The following FSIP1 variants were observed in gnomAD, a reference collection of about 807,000 sequenced individuals.
FSIP1 encodes fibrous sheath interacting protein 1.
A neutral mutation model predicts 60.9 loss-of-function variants in FSIP1; 65 were observed. The ratio of observed to expected loss-of-function variants is 1.07; its 90% CI spans 0.87 to 1.31. The LOEUF (loss-of-function observed/expected upper bound fraction) is 1.31, where lower values mean the gene tolerates loss of function less well. FSIP1 is among the 40% of genes most tolerant of loss of function. FSIP1 has a pLI of 0.00. For synonymous variants in FSIP1, 209 were observed against 221.2 expected (o/e 0.94, Z 0.49); for missense variants, 675 against 665.5 (o/e 1.01, Z -0.16).
intron 3 of FSIP1, among the ~76,000 whole-genome samples, chr15:39,767,966 T>A (rs761694294): frequency 5.3e-5 from 8 of 152,290 alleles, no homozygotes; most frequent in Non-Finnish European, 1.2e-4. Context: ...AGGGTCTCAT[T>A]GAGCTGATTA....
At chr15:39,630,520 C>G (rs1210019579) in intron 10 of FSIP1, among the ~76,000 whole-genome samples, 1 of 152,192 alleles carries the variant, frequency 6.6e-6, no homozygotes, top group African/African-American at 2.4e-5. Context: ...GTCAGTTGCA[C>G]TGGGGGTGGG....
intron 10 of FSIP1, among the ~76,000 whole-genome samples, chr15:39,623,438 G>A (rs1035061374): frequency 3.3e-5 from 5 of 152,134 alleles, no homozygotes; most frequent in Admixed American, 3.3e-4. Flanking sequence ...GTGAGAAAAG[G>A]GTGGAAAGCT....
intron 11 of FSIP1, chr15:39,602,361 C>T (rs1206514202): frequency 1.1e-5 from 5 of 456,130 alleles, no homozygotes; most frequent in Admixed American, 4.7e-5. Flanking sequence ...CTCCAGGTGG[C>T]GTGTGGCCTT....
At chr15:39,735,449 T>C (rs191756266) in intron 8 of FSIP1, among the ~76,000 whole-genome samples, 8 of 152,306 alleles carry the variant, frequency 5.3e-5, no homozygotes, top group East Asian at 3.9e-4. Flanking sequence ...AAATATGGTA[T>C]AAAAATCTTT....
chr15:39,606,313 A>G (rs890811046), intron 11 of FSIP1, among the ~76,000 whole-genome samples: 1 of 152,048 alleles, frequency 6.6e-6, no homozygotes, highest in Admixed American at 6.5e-5. Flanking sequence ...AACTTACATG[A>G]CTCTTGTTGC....
At chr15:39,710,160 TC>T (rs1895439023) in intron 10 of FSIP1, among the ~76,000 whole-genome samples, 1 of 152,096 alleles carries the variant, frequency 6.6e-6, no homozygotes, top group Non-Finnish European at 1.5e-5. Context: ...CAGTTATGAA[TC>T]TACAGTTATG....
intron 2 of FSIP1, among the ~76,000 whole-genome samples, chr15:39,773,510 G>C (rs1459475555): frequency 6.6e-6 from 1 of 152,156 alleles, no homozygotes; most frequent in Non-Finnish European, 1.5e-5. Flanking sequence ...AGTCTTGAAT[G>C]AAGTAATATT....
chr15:39,698,299 T>C (rs1470176091), intron 10 of FSIP1, among the ~76,000 whole-genome samples: 1 of 152,058 alleles, frequency 6.6e-6, no homozygotes, highest in Non-Finnish European at 1.5e-5. Context: ...TTTGCCTTTT[T>C]GATGTGACTA....
At chr15:39,623,693 G>A (rs1891530862) in intron 10 of FSIP1, among the ~76,000 whole-genome samples, 1 of 152,182 alleles carries the variant, frequency 6.6e-6, no homozygotes, top group Non-Finnish European at 1.5e-5. Context: ...TAGGGTTGAG[G>A]TTTGCTGTAA....
chr15:39,671,737 A>G (rs1416440664), intron 10 of FSIP1, among the ~76,000 whole-genome samples: 1 of 152,170 alleles, frequency 6.6e-6, no homozygotes, highest in African/African-American at 2.4e-5. Flanking sequence ...AAACCTTCCT[A>G]GTTTTCTGAC....
At chr15:39,676,518 C>T (rs1267228391) in intron 10 of FSIP1, among the ~76,000 whole-genome samples, 1 of 152,128 alleles carries the variant, frequency 6.6e-6, no homozygotes, top group African/African-American at 2.4e-5. Context: ...TGGATATATT[C>T]CTGAAGACTG....
rs572375166 is a variant in FSIP1 at position 39,682,841 on chromosome 15, C to T, written c.1188+30603G>A. Among the ~76,000 whole-genome samples, 5 of 152,252 alleles carry T rather than the reference C, an allele frequency of 3.3e-5. No individual in the cohort carries two copies. The East Asian group carries it at 9.6e-4, about 29-fold the overall frequency. ...TTTTAATAGCATTTAAATTTTAATACTCTAATCACATGTGTTTATATTTAA... is the reference window on the plus strand; with the variant it reads ...TTTTAATAGCATTTAAATTTTAATATTCTAATCACATGTGTTTATATTTAA... On this transcript the variant is annotated intron_variant, in intron 10 of 11. Transcript: ENST00000350221.
At position 39,738,319 on chromosome 15, in the gene FSIP1, G is replaced by A. The variant is rs1344000422; in HGVS notation, c.781-118C>T. 1.0e-4 allele frequency: 60 copies of A among 598,990 alleles called. No individual in the cohort carries two copies. The East Asian group carries it at 1.2e-3, about 12-fold the overall frequency. 37.1% of individuals were successfully genotyped at this position (598,990 alleles called of 1,614,324 possible). A position where few individuals can be genotyped will look rare whatever the true frequency, so the allele number is the denominator to read the frequency against. The stretch of plus-strand genomic sequence containing the variant: ...TACACAAAGAAAAGTTGCAAGATTA[G>A]GCATTTTACATTTTCTAGGTAATTT... On this transcript the variant is annotated intron_variant, in intron 7 of 11. Coordinates refer to ENST00000350221, the MANE Select transcript of FSIP1 (RefSeq NM_152597.5).
At chr15:39,691,948 A>G (rs573413823) in intron 10 of FSIP1, among the ~76,000 whole-genome samples, 1 of 152,334 alleles carries the variant, frequency 6.6e-6, no homozygotes, top group Admixed American at 6.5e-5. Flanking sequence ...TACTCACCAA[A>G]AAGAAAAAAC....
At chr15:39,777,854 C>T (rs894753670) in intron 1 of FSIP1, among the ~76,000 whole-genome samples, 2 of 152,186 alleles carry the variant, frequency 1.3e-5, no homozygotes, top group Admixed American at 6.5e-5. Flanking sequence ...TCTTACCCTA[C>T]AAAATGACTC....
intron 10 of FSIP1, among the ~76,000 whole-genome samples, chr15:39,643,848 C>T (rs1447537241): frequency 6.6e-6 from 1 of 152,224 alleles, no homozygotes; most frequent in Non-Finnish European, 1.5e-5. Flanking sequence ...AATTGAATCT[C>T]AGCTTCAAAA....
chr15:39,701,898 C>T (rs146693776), intron 10 of FSIP1, among the ~76,000 whole-genome samples: 6 of 152,106 alleles, frequency 3.9e-5, no homozygotes, highest in African/African-American at 1.4e-4. Flanking sequence ...TTAAGGTCTA[C>T]GTTTAAATTA....
chr15:39,720,397 A>G (rs1895905270), intron 9 of FSIP1, among the ~76,000 whole-genome samples: 1 of 152,234 alleles, frequency 6.6e-6, no homozygotes, highest in Admixed American at 6.5e-5. Flanking sequence ...TAAGAAAATA[A>G]ATCAAATTAA....
At chr15:39,633,086 TACTTC>T (rs1891970039) in intron 10 of FSIP1, among the ~76,000 whole-genome samples, 1 of 145,706 alleles carries the variant, frequency 6.9e-6, no homozygotes, top group Non-Finnish European at 1.5e-5. Flanking sequence ...ACATAGGCTA[TACTTC>T]TTTTTTTTTT....
Sources: gnomAD v4.1 joint callset for allele counts (sites outside exome capture counted in the v4.1 genomes callset) on GRCh38, gnomAD v4.1.1 for gene constraint, MANE v1.5 for transcripts, NCBI Gene and HGNC (gene_info 2026-07-23, HGNC 2026-07-21) for gene names.